Variants in PGBD2 observed in about 807,000 individuals in gnomAD.
The protein encoded by PGBD2 is piggyBac transposable element-derived protein 2.
PGBD2 carries 6 observed loss-of-function variants against 8.1 expected under a neutral mutation model. The observed-to-expected ratio is 0.74, with a 90% CI of 0.40 to 1.46. PGBD2 has a LOEUF of 1.46. PGBD2 is among the 40% of genes most tolerant of loss of function. The probability of loss-of-function intolerance (pLI) is 0.02; values close to 1 mark genes in which losing one functional copy is unlikely to be tolerated. For synonymous variants in PGBD2, 318 were observed against 272.2 expected (o/e 1.17, Z -1.66); for missense variants, 802 against 739.0 (o/e 1.09, Z -0.99).
Position 248,913,879 on chromosome 1 carries a change from G to C in PGBD2, c.17G>C (p.Arg6Thr), listed in dbSNP as rs750462204. The C allele has an allele frequency of 3.7e-6, 6 of 1,609,082 alleles. No homozygotes were observed. The highest frequency in any genetic ancestry group is 1.1e-5 in the South Asian group (1 of 90,942). The change falls in exon 2 of 3, where the codon AGA becomes ACA. Residue 6 changes from arginine to threonine, a missense_variant and splice_region_variant. Coordinates refer to ENST00000329291, the MANE Select transcript of PGBD2 (RefSeq NM_170725.3). ...CAGTTCATCATGGCTTCAACATCCA[G>C]GTAGGAGTGCTGTTTGATCAAATGT... is the stretch of plus-strand genomic sequence containing the variant. MASTS[R>T]DVIAGRGIHS...
upstream of PGBD2, among the ~76,000 whole-genome samples, chr1:248,904,048 C>T (rs1661578132): frequency 6.7e-6 from 1 of 150,372 alleles, no homozygotes; most frequent in African/African-American, 2.5e-5. Context: ...AAGTTTAATT[C>T]CCTAAGTCCA....
chr1:248,910,641 C>T (rs535707140), intron 1 of PGBD2, among the ~76,000 whole-genome samples: 1 of 152,328 alleles, frequency 6.6e-6, no homozygotes, highest in South Asian at 2.1e-4. Flanking sequence ...ACCTCACACA[C>T]CTGGCATCTG....
At chr1:248,927,102 G>C in the PGBD2 span, among the ~76,000 whole-genome samples, 2 of 152,186 alleles carry the variant, frequency 1.3e-5, no homozygotes, top group South Asian at 2.1e-4. Flanking sequence ...ACAAAGGCTG[G>C]CTCTGGGAGA....
chr1:248,881,105 C>T, the PGBD2 span, among the ~76,000 whole-genome samples: 5 of 152,046 alleles, frequency 3.3e-5, no homozygotes, highest in African/African-American at 7.2e-5. Context: ...CCAAACATCC[C>T]GTGGAGTATC....
At chr1:248,910,582 T>G (rs1661836646) in intron 1 of PGBD2, among the ~76,000 whole-genome samples, 1 of 152,178 alleles carries the variant, frequency 6.6e-6, no homozygotes, top group East Asian at 1.9e-4. Context: ...GGCTACAGAC[T>G]TGTGAAAGGG....
Position 248,918,137 on chromosome 1 carries a change from G to C in PGBD2, c.1553G>C (p.Arg518Thr), listed in dbSNP as rs771851580. Reference sequence around the variant, plus strand: ...CAGGTGGACCTCCTTGCCTTCCGGAGATACATTGCCTGTGTGTATCTGGAG... The same window carrying C: ...CAGGTGGACCTCCTTGCCTTCCGGACATACATTGCCTGTGTGTATCTGGAG... ...DAQVDLLAFR[R>T]YIACVYLESN... The change falls in exon 3 of 3, where the codon AGA becomes ACA. Residue 518 changes from arginine to threonine, a missense_variant. By Grantham distance (71) the Arg-to-Thr change is moderately conservative. Coordinates refer to ENST00000329291, the MANE Select transcript of PGBD2 (RefSeq NM_170725.3). The C allele has an allele frequency of 3.1e-6, 5 of 1,614,196 alleles. No homozygotes were observed. The Admixed American group carries it at 8.3e-5, about 27-fold the overall frequency.
chr1:248,875,521 GT>G, the PGBD2 span, among the ~76,000 whole-genome samples: 2 of 151,980 alleles, frequency 1.3e-5, no homozygotes, highest in Admixed American at 1.3e-4. Context: ...TTTATTCTAA[GT>G]TTTTTATTGC....
At chr1:248,928,958 A>G in the PGBD2 span, among the ~76,000 whole-genome samples, 2 of 152,344 alleles carry the variant, frequency 1.3e-5, no homozygotes, top group East Asian at 3.9e-4. Context: ...AATGAAATGA[A>G]TTCTCTAGAC....
downstream of PGBD2, among the ~76,000 whole-genome samples, chr1:248,924,284 G>T (rs1364092629): frequency 3.3e-5 from 5 of 152,230 alleles, no homozygotes; most frequent in Non-Finnish European, 7.3e-5. Context: ...CTTCATGACT[G>T]CTGGCTTCCA....
At chr1:248,895,579 C>T in the PGBD2 span, among the ~76,000 whole-genome samples, 280 of 151,734 alleles carry the variant, frequency 1.8e-3, 1 homozygote, top group African/African-American at 6.0e-3. Flanking sequence ...TTGGAGGAAA[C>T]AGGTGGTTCT....
In PGBD2 at chr1:248,917,103, T is replaced by A. The variant is rs1451573849; in HGVS notation, c.519T>A (p.Ser173Arg). 3.1e-6 allele frequency: 5 copies of A among 1,613,966 alleles called. No homozygotes were observed. The South Asian group carries it at 5.5e-5, about 18-fold the overall frequency. The change falls in exon 3 of 3, where the codon AGT becomes AGA. Residue 173 changes from serine (S) to arginine (R), a missense_variant. Coordinates refer to ENST00000329291, the MANE Select transcript of PGBD2 (RefSeq NM_170725.3). ...CTTGGCAGAAAAATGTCAATTTGAG[T>A]CTTACGGCTCAGGAATTGAAGTGTG... is the stretch of plus-strand genomic sequence containing the variant. ...RYAWQKNVNL[S>R]LTAQELKCVL...
the PGBD2 span, among the ~76,000 whole-genome samples, chr1:248,880,040 G>A: frequency 1.3e-5 from 2 of 152,240 alleles, no homozygotes; most frequent in African/African-American, 4.8e-5. Flanking sequence ...CAATGGGTCT[G>A]GCCTTTGGGT....
intron 2 of PGBD2, among the ~76,000 whole-genome samples, chr1:248,914,889 C>T (rs1338534520): frequency 6.6e-6 from 1 of 152,170 alleles, no homozygotes; most frequent in African/African-American, 2.4e-5. Context: ...GCACCTGCAG[C>T]CTCGCTGATC....
the PGBD2 span, among the ~76,000 whole-genome samples, chr1:248,892,950 T>A: frequency 1.3e-5 from 2 of 152,246 alleles, no homozygotes; most frequent in African/African-American, 4.8e-5. Flanking sequence ...TTGTCATACG[T>A]TGTTGCTTGG....
chr1:248,890,027 A>C, the PGBD2 span, among the ~76,000 whole-genome samples: 1 of 150,964 alleles, frequency 6.6e-6, no homozygotes, highest in Non-Finnish European at 1.5e-5. Flanking sequence ...TCCCGGGTTC[A>C]AGTGATTCTC....
downstream of PGBD2, among the ~76,000 whole-genome samples, chr1:248,922,041 TG>T (rs1662295548): frequency 1.3e-5 from 2 of 151,638 alleles, no homozygotes; most frequent in African/African-American, 4.9e-5. Flanking sequence ...ACTGAGACAA[TG>T]GGGTTTTCTT....
chr1:248,905,380 T>C (rs1424775980), upstream of PGBD2, among the ~76,000 whole-genome samples: 2 of 152,210 alleles, frequency 1.3e-5, no homozygotes, highest in Admixed American at 1.3e-4. Flanking sequence ...CGGAGTACAC[T>C]GTCCTATATA....
At chr1:248,916,435 C>T (rs974575350) in intron 2 of PGBD2, among the ~76,000 whole-genome samples, 167 bp from the exon 3 acceptor site, 2 of 152,110 alleles carry the variant, frequency 1.3e-5, no homozygotes, top group African/African-American at 4.8e-5. Context: ...AAAGCAGAAT[C>T]TGTGTTTAGC....
At chr1:248,896,950 A>C in the PGBD2 span, among the ~76,000 whole-genome samples, 2 of 152,252 alleles carry the variant, frequency 1.3e-5, no homozygotes, top group African/African-American at 4.8e-5. Flanking sequence ...GGATGTAAAA[A>C]GTAAAGTAGA....
Sources: gnomAD v4.1 joint callset for allele counts (sites outside exome capture counted in the v4.1 genomes callset) on GRCh38, gnomAD v4.1.1 for gene constraint, MANE v1.5 for transcripts, NCBI Gene and HGNC (gene_info 2026-07-23, HGNC 2026-07-21) for gene names.